REL: variants seen among roughly 807,000 people sequenced by gnomAD.
The protein encoded by REL is REL proto-oncogene, NF-kB subunit.
Under a neutral mutation model 45.9 loss-of-function variants are expected in REL, and 15 were observed. That is an observed-to-expected ratio of 0.33 (90% CI 0.22 to 0.50). The LOEUF (loss-of-function observed/expected upper bound fraction) is 0.50. Ranked by LOEUF, REL falls within the 20% of genes least tolerant of loss-of-function variation. The pLI, the probability that REL is intolerant of heterozygous loss-of-function variation, is 0.98. For missense variants in REL, 601 were observed against 715.2 expected (o/e 0.84, Z 1.82); for synonymous variants, 239 against 242.1 (o/e 0.99, Z 0.12).
At chr2:60,898,099 C>G (rs1673401355) in intron 3 of REL, among the ~76,000 whole-genome samples, 1 of 152,174 alleles carries the variant, frequency 6.6e-6, no homozygotes, top group African/African-American at 2.4e-5. Context: ...CAGTGAAATT[C>G]ATCACCGTCA....
chr2:60,900,832 A>G (rs1673474617), intron 3 of REL, 160 bp from the exon 4 acceptor site: 11 of 643,260 alleles, frequency 1.7e-5, no homozygotes, highest in Non-Finnish European at 2.6e-5. Flanking sequence ...ATATAATCCC[A>G]CTTCTTACTC....
In REL at chr2:60,881,727, G is replaced by A. The variant is rs1451372360; in HGVS notation, c.-114G>A. The A allele has an allele frequency of 6.9e-6, 6 of 869,708 alleles. No individual in the cohort carries two copies. Among genetic ancestry groups the A allele is most frequent in the Non-Finnish European group, 5.4e-6 (3 of 559,890 alleles). The allele number at this position is 869,708 out of a possible 1,614,324, so 53.9% of individuals were successfully genotyped here. On this transcript the variant is annotated 5_prime_UTR_variant, in exon 1 of 10. Transcript: ENST00000394479. Reference sequence around the variant, plus strand: ...GAAGGAGGAGGCCTCTAGGGTGGTCGGGGGACTGGGGGCCCCGCCGGCAGA... The same window carrying A: ...GAAGGAGGAGGCCTCTAGGGTGGTCAGGGGACTGGGGGCCCCGCCGGCAGA...
At chr2:60,894,227 G>C (rs921649732) in intron 2 of REL, among the ~76,000 whole-genome samples, 170 bp from the exon 3 acceptor site, 7 of 152,106 alleles carry the variant, frequency 4.6e-5, no homozygotes, top group Admixed American at 1.3e-4. Context: ...AAGTTTTTCT[G>C]TACTGGTATT....
rs139585157 is a variant in REL, at chr2:60,891,687, G to A, written c.15G>A (p.Ala5=). 36 of 1,609,046 alleles carry A rather than the reference G, an allele frequency of 2.2e-5. No individual in the cohort carries two copies. Among genetic ancestry groups the A allele is most frequent in the Non-Finnish European group, 2.7e-5 (32 of 1,177,486 alleles). MASG[A]YNPYIEIIEQ... is the part of the protein sequence containing the mutation. The stretch of plus-strand genomic sequence containing the variant: ...TCCTTTTTAAAAACTTTTCAGGTGC[G>A]TATAACCCGTATATAGAGATAATTG... The change falls in exon 2 of 10, where the codon GCG becomes GCA. Residue 5 remains alanine (A), a synonymous_variant. Transcript: ENST00000394479.
In REL at chr2:60,891,644, T is replaced by G. The variant is rs35288033; in HGVS notation, c.11-39T>G. The G allele has an allele frequency of 1.6e-5, 24 of 1,510,378 alleles. 1 individual carries two copies. The African/African-American group carries it at 3.2e-4, about 20-fold the overall frequency. The allele number at this position is 1,510,378 out of a possible 1,614,324, so 93.6% of individuals were successfully genotyped here. A position where few individuals can be genotyped will look rare whatever the true frequency, so the allele number is the denominator to read the frequency against. On this transcript the variant is annotated intron_variant, in intron 1 of 9. Coordinates refer to ENST00000394479, the MANE Select transcript of REL (RefSeq NM_001291746.2). ...TTAAAATCCATTATTAATTGCTATA[T>G]TAATCTCACTGACCTCCTCCTTTTT...
At chr2:60,883,959 TAA>T (rs71402308) in intron 1 of REL, among the ~76,000 whole-genome samples, 2 of 141,176 alleles carry the variant, frequency 1.4e-5, no homozygotes, top group African/African-American at 2.6e-5. Context: ...AGGCCTGGAA[TAA>T]AAAAAAAAAA....
chr2:60,917,482 C>G (rs2103979215), intron 5 of REL, among the ~76,000 whole-genome samples: 1 of 150,024 alleles, frequency 6.7e-6, no homozygotes, highest in Non-Finnish European at 1.5e-5. Context: ...TCTTTTTGGC[C>G]TAGCAAACTG....
In REL at chr2:60,903,087, G is replaced by C. The variant is rs547019062; in HGVS notation, c.394+2004G>C. On this transcript the variant is annotated intron_variant, in intron 4 of 9. Coordinates refer to ENST00000394479, the MANE Select transcript of REL (RefSeq NM_001291746.2). ...ATAGGCCAGACTTTTAAAGAGGCAGGTAAGTCTAGATGCAATATAAAACAA... is the reference window on the plus strand; with the variant it reads ...ATAGGCCAGACTTTTAAAGAGGCAGCTAAGTCTAGATGCAATATAAAACAA... 3.9e-5 allele frequency among the ~76,000 whole-genome samples: 6 copies of C among 152,312 alleles called. No homozygotes were observed. The South Asian group carries it at 1.0e-3, about 26-fold the overall frequency.
chr2:60,896,007 T>G (rs1573320195), intron 3 of REL, among the ~76,000 whole-genome samples: 1 of 151,032 alleles, frequency 6.6e-6, no homozygotes, highest in South Asian at 2.1e-4. Context: ...TGTTTTTTGT[T>G]TTTTTTTTTC....
Position 60,918,119 on chromosome 2 carries a change from T to G in REL, c.536-72T>G, listed in dbSNP as rs191808469. 8.2e-5 allele frequency: 72 copies of G among 879,710 alleles called. No individual in the cohort carries two copies. In the African/African-American group the frequency reaches 1.1e-3, roughly 13 times the overall value. 54.5% of individuals were successfully genotyped at this position (879,710 alleles called of 1,614,324 possible). A position where few individuals can be genotyped will look rare whatever the true frequency, so the allele number is the denominator to read the frequency against. ...TATTCTGTGAATGCTTTTCCTCAAA[T>G]TCTTCCCTGCAAAAAGAAATAAAAT... On this transcript the variant is annotated intron_variant, in intron 5 of 9. Transcript: ENST00000394479.
At position 60,918,625 on chromosome 2, in the gene REL, A is replaced by G; in HGVS notation, c.853+19A>G. ...GAAAAAGGTATGACATTTTGCTGGT[A>G]ATAATTTATATATTTCTTGAAGTGG... On this transcript the variant is annotated intron_variant, in intron 7 of 9. Coordinates refer to ENST00000394479, the MANE Select transcript of REL (RefSeq NM_001291746.2). The G allele has an allele frequency of 6.5e-7, 1 of 1,532,348 alleles. No homozygotes were observed. The highest frequency in any genetic ancestry group is 1.1e-5 in the South Asian group (1 of 89,252). The allele number at this position is 1,532,348 out of a possible 1,614,324, so 94.9% of individuals were successfully genotyped here.
chr2:60,915,567 A>C (rs1673941780), intron 4 of REL, among the ~76,000 whole-genome samples: 1 of 152,250 alleles, frequency 6.6e-6, no homozygotes, highest in Non-Finnish European at 1.5e-5. Context: ...AACAGTACAA[A>C]ATACATTATC....
At position 60,930,991 on chromosome 2, in the gene REL, CAA is replaced by C. The variant is rs1302689987; in HGVS notation, c.*8458_*8459del. The C allele has an allele frequency of 6.6e-6, 1 of 152,278 alleles. No homozygotes were observed. Among genetic ancestry groups the C allele is most frequent in the Admixed American group, 6.5e-5 (1 of 15,276 alleles). The allele number at this position is 152,278 out of a possible 1,614,324, so 9.4% of individuals were successfully genotyped here. A position where few individuals can be genotyped will look rare whatever the true frequency, so the allele number is the denominator to read the frequency against. On this transcript the variant is annotated 3_prime_UTR_variant, in exon 10 of 10. Transcript: ENST00000394479. Reference sequence around the variant, plus strand: ...AAATATAAATTTTTGGTAAAAGTATCAAACATTCATCTTGCCCATTTTTCCTC... The same window carrying C: ...AAATATAAATTTTTGGTAAAAGTATCACATTCATCTTGCCCATTTTTCCTC...
rs1674181131 is a variant in REL at position 60,922,827 on chromosome 2, TGA to T, written c.*295_*296del. 1 of 695,700 alleles carries T rather than the reference TGA, an allele frequency of 1.4e-6. No homozygotes were observed. Among genetic ancestry groups the T allele is most frequent in the Admixed American group, 5.4e-5 (1 of 18,408 alleles). The allele number at this position is 695,700 out of a possible 1,614,324, so 43.1% of individuals were successfully genotyped here. Reference sequence around the variant, plus strand: ...GGGAGGCCAAGGCGGGTGGATCACTTGAGACCAGGAATTCGAGACCAGCCTGG... The same window carrying T: ...GGGAGGCCAAGGCGGGTGGATCACTTGACCAGGAATTCGAGACCAGCCTGG... On this transcript the variant is annotated 3_prime_UTR_variant, in exon 10 of 10. Coordinates refer to ENST00000394479, the MANE Select transcript of REL (RefSeq NM_001291746.2).
At position 60,930,681 on chromosome 2, in the gene REL, G is replaced by A. The variant is rs1412110230; in HGVS notation, c.*8146G>A. On this transcript the variant is annotated 3_prime_UTR_variant, in exon 10 of 10. Coordinates refer to ENST00000394479, the MANE Select transcript of REL (RefSeq NM_001291746.2). ...ATGCCCTATTAATAAACAAAATACA[G>A]ATCAAAGTTTTCAAAAGTAATCACT... 6.6e-6 allele frequency: 1 copy of A among 152,170 alleles called. No homozygotes were observed. Among genetic ancestry groups the A allele is most frequent in the African/African-American group, 2.4e-5 (1 of 41,402 alleles). 9.4% of individuals were successfully genotyped at this position (152,170 alleles called of 1,614,324 possible).
rs916114271 is a variant in REL, at chr2:60,924,321, A to G, written c.*1786A>G. ...CTAAGGACAGAAATTTTTGTGCTTT[A>G]TTGTTGAATCTCCAATTTGTAGAAA... On this transcript the variant is annotated 3_prime_UTR_variant, in exon 10 of 10. Coordinates refer to ENST00000394479, the MANE Select transcript of REL (RefSeq NM_001291746.2). The G allele has an allele frequency of 4.5e-6, 1 of 220,498 alleles. No individual in the cohort carries two copies. The highest frequency in any genetic ancestry group is 6.7e-5 in the East Asian group (1 of 14,872). The allele number at this position is 220,498 out of a possible 1,614,324, so 13.7% of individuals were successfully genotyped here. A position where few individuals can be genotyped will look rare whatever the true frequency, so the allele number is the denominator to read the frequency against.
chr2:60,920,297 G>C (rs1026149635), intron 8 of REL, 188 bp downstream of exon 8: 6 of 617,096 alleles, frequency 9.7e-6, no homozygotes, highest in African/African-American at 5.6e-5. Flanking sequence ...TGCCCCCCAG[G>C]TTCAACAATT....
At chr2:60,913,036 CAA>C (rs1673862662) in intron 4 of REL, among the ~76,000 whole-genome samples, 1 of 152,050 alleles carries the variant, frequency 6.6e-6, no homozygotes, top group Non-Finnish European at 1.5e-5. Context: ...TATAAAAAGA[CAA>C]GACACAAAGT....
chr2:60,908,611 A>G (rs1000119842), intron 4 of REL, among the ~76,000 whole-genome samples: 6 of 152,206 alleles, frequency 3.9e-5, no homozygotes, highest in Non-Finnish European at 7.3e-5. Flanking sequence ...GCTGAAAAAA[A>G]TTTGTAATTA....
Sources: allele counts gnomAD v4.1 joint callset (sites outside exome capture counted in the v4.1 genomes callset), GRCh38; gene constraint gnomAD v4.1.1; transcripts MANE v1.5; gene names NCBI Gene and HGNC (gene_info 2026-07-23, HGNC 2026-07-21).